NFIB: variants seen among roughly 807,000 people sequenced by gnomAD.
The protein encoded by NFIB is nuclear factor 1 B-type.
A neutral mutation model predicts 61.5 loss-of-function variants in NFIB; 11 were observed. The ratio of observed to expected loss-of-function variants is 0.18; its 90% CI spans 0.11 to 0.30. The LOEUF (loss-of-function observed/expected upper bound fraction) is 0.30, where lower values mean the gene tolerates loss of function less well. Among genes scored for constraint, NFIB ranks in the 10% least tolerant of loss-of-function variants. The probability of loss-of-function intolerance (pLI) is 1.00; values close to 1 mark genes in which losing one functional copy is unlikely to be tolerated. For missense variants in NFIB, 471 were observed against 608.9 expected (o/e 0.77, Z 2.38); for synonymous variants, 260 against 216.5 (o/e 1.20, Z -1.76).
intron 2 of NFIB, among the ~76,000 whole-genome samples, chr9:14,298,947 T>G (rs2059602092): frequency 6.6e-6 from 1 of 152,190 alleles, no homozygotes; most frequent in Admixed American, 6.5e-5. Context: ...ACCGACCTCA[T>G]AAAACAAGGC....
At chr9:14,493,197 A>G in the NFIB span, among the ~76,000 whole-genome samples, 1 of 152,136 alleles carries the variant, frequency 6.6e-6, no homozygotes, top group Non-Finnish European at 1.5e-5. Context: ...TTAAGGCCAT[A>G]TTTGGCCTGG....
At chr9:14,254,134 C>G (rs2055955114) in intron 2 of NFIB, among the ~76,000 whole-genome samples, 1 of 152,016 alleles carries the variant, frequency 6.6e-6, no homozygotes, top group Non-Finnish European at 1.5e-5. Context: ...AAACCCCATT[C>G]TAGTAAAAGT....
At chr9:14,429,562 G>C in the NFIB span, among the ~76,000 whole-genome samples, 2 of 152,210 alleles carry the variant, frequency 1.3e-5, no homozygotes, top group East Asian at 3.8e-4. Flanking sequence ...AATGTCTCAT[G>C]CTTCCTATGG....
intron 8 of NFIB, 54 bp from the exon 9 acceptor site, chr9:14,116,400 G>A (rs889228666): frequency 7.0e-7 from 1 of 1,426,240 alleles, no homozygotes; most frequent in African/African-American, 1.4e-5. Flanking sequence ...CAGTCATCTT[G>A]TTCAACAAGT....
intron 1 of NFIB, among the ~76,000 whole-genome samples, chr9:14,327,587 T>C (rs933148672): frequency 2.0e-5 from 3 of 152,176 alleles, no homozygotes; most frequent in African/African-American, 7.2e-5. Context: ...TTCTATTCTG[T>C]TGTGCTAATA....
the NFIB span, among the ~76,000 whole-genome samples, chr9:14,404,427 T>G: frequency 6.6e-6 from 1 of 152,206 alleles, no homozygotes; most frequent in Non-Finnish European, 1.5e-5. Flanking sequence ...CAAGACCACA[T>G]GCATATACAT....
intron 2 of NFIB, among the ~76,000 whole-genome samples, chr9:14,201,896 TTTA>T (rs146851671): frequency 0.17 from 25,892 of 152,000 alleles, 2,408 homozygotes; most frequent in South Asian, 0.32. Context: ...TATCCATTCG[TTTA>T]TTTTTTTGAA....
At chr9:14,287,190 G>C (rs1471653601) in intron 2 of NFIB, among the ~76,000 whole-genome samples, 1 of 150,948 alleles carries the variant, frequency 6.6e-6, no homozygotes, top group African/African-American at 2.5e-5. Context: ...CCAGCACTCT[G>C]GGAGGCCGAG....
At chr9:14,328,381 AGTG>A (rs1370769448) in intron 1 of NFIB, among the ~76,000 whole-genome samples, 1 of 152,122 alleles carries the variant, frequency 6.6e-6, no homozygotes, top group Non-Finnish European at 1.5e-5. Context: ...CCTGGGCTCA[AGTG>A]GTCTTCCTGC....
chr9:14,435,459 AC>A, the NFIB span, among the ~76,000 whole-genome samples: 6 of 152,180 alleles, frequency 3.9e-5, no homozygotes, highest in Admixed American at 3.9e-4. Flanking sequence ...CTGCTTATTA[AC>A]CTCTGTGCCT....
At chr9:14,442,512 G>A in the NFIB span, among the ~76,000 whole-genome samples, 1 of 152,134 alleles carries the variant, frequency 6.6e-6, no homozygotes, top group Non-Finnish European at 1.5e-5. Flanking sequence ...TCGCCTCACA[G>A]TTCTAGAGGC....
chr9:14,443,292 TC>T, the NFIB span, among the ~76,000 whole-genome samples: 3 of 151,998 alleles, frequency 2.0e-5, no homozygotes, highest in South Asian at 6.2e-4. Flanking sequence ...AGCTATTACT[TC>T]CTATAGATGG....
rs181659439 is a variant in NFIB, at chr9:14,104,866, A to C, written c.1467+8133T>G. On this transcript the variant is annotated intron_variant, in intron 10 of 10. Coordinates refer to ENST00000380953, the MANE Select transcript of NFIB (RefSeq NM_001190737.2). ...AGATGTATATTTAGGCATAGTACAT[A>C]TTAATTATGTTAATTATTAACTTCA... Among the ~76,000 whole-genome samples the C allele has an allele frequency of 2.6e-3, 391 of 150,402 alleles. 3 individuals are homozygous for C. Among genetic ancestry groups the C allele is most frequent in the African/African-American group, 8.6e-3 (356 of 41,494 alleles).
intron 1 of NFIB, among the ~76,000 whole-genome samples, chr9:14,350,227 G>C (rs2061089984): frequency 6.6e-6 from 1 of 152,176 alleles, no homozygotes; most frequent in Non-Finnish European, 1.5e-5. Flanking sequence ...AACGGGCACA[G>C]AAAAGAACCA....
chr9:14,367,800 G>A (rs185055966), intron 1 of NFIB, among the ~76,000 whole-genome samples: 169 of 152,222 alleles, frequency 1.1e-3, no homozygotes, highest in Non-Finnish European at 9.1e-4. Context: ...AACACCGCAC[G>A]TTCTCACTCA....
the NFIB span, among the ~76,000 whole-genome samples, chr9:14,475,220 G>A: frequency 1.3e-5 from 2 of 152,214 alleles, no homozygotes; most frequent in East Asian, 1.9e-4. Context: ...GAGGCATAGC[G>A]TGCTAAGTGA....
intron 1 of NFIB, among the ~76,000 whole-genome samples, chr9:14,387,280 G>T (rs948515237): frequency 5.3e-5 from 8 of 152,162 alleles, no homozygotes; most frequent in Non-Finnish European, 1.2e-4. Context: ...CAATCTTGCT[G>T]TACTGCTTTA....
intron 10 of NFIB, among the ~76,000 whole-genome samples, chr9:14,100,055 G>A (rs917670350): frequency 6.6e-6 from 1 of 151,882 alleles, no homozygotes; most frequent in African/African-American, 2.4e-5. Context: ...CCTGGGTGAG[G>A]AAGTGAGACT....
chr9:14,377,820 G>A (rs891507992), intron 1 of NFIB, among the ~76,000 whole-genome samples: 5 of 152,138 alleles, frequency 3.3e-5, no homozygotes, highest in South Asian at 4.1e-4. Context: ...GGGAAGAAGC[G>A]GAGGTGAAAG....
Sources: allele counts gnomAD v4.1 joint callset (sites outside exome capture counted in the v4.1 genomes callset), GRCh38; gene constraint gnomAD v4.1.1; transcripts MANE v1.5; gene names NCBI Gene and HGNC (gene_info 2026-07-23, HGNC 2026-07-21).